TOPAZ1: variants seen among roughly 807,000 people sequenced by gnomAD.
TOPAZ1 encodes protein TOPAZ1.
Under a neutral mutation model 172.2 loss-of-function variants are expected in TOPAZ1, and 66 were observed. The ratio of observed to expected loss-of-function variants is 0.38; its 90% CI spans 0.31 to 0.47. TOPAZ1 has a LOEUF of 0.47. Among genes scored for constraint, TOPAZ1 ranks in the 20% least tolerant of loss-of-function variants. The pLI is 0.99. For missense variants in TOPAZ1, 1,822 were observed against 1,972.4 expected (o/e 0.92, Z 1.44); for synonymous variants, 681 against 683.9 (o/e 1.00, Z 0.07).
intron 2 of TOPAZ1, among the ~76,000 whole-genome samples, chr3:44,251,876 A>G (rs760705514): frequency 1.3e-5 from 2 of 151,770 alleles, no homozygotes; most frequent in South Asian, 2.1e-4. Flanking sequence ...TCCCTTTTCT[A>G]TTTCACCAAT....
chr3:44,308,348 A>G (rs373209029), intron 15 of TOPAZ1, among the ~76,000 whole-genome samples: 3 of 145,214 alleles, frequency 2.1e-5, no homozygotes, highest in South Asian at 2.1e-4. Context: ...TCATTGTTCA[A>G]TTCCCACCTA....
chr3:44,264,120 T>G (rs1699803773), intron 5 of TOPAZ1, among the ~76,000 whole-genome samples: 1 of 152,222 alleles, frequency 6.6e-6, no homozygotes. Flanking sequence ...TCAGACCTTT[T>G]GTTTAGCATA....
Position 44,328,385 on chromosome 3 carries a change from T to C in TOPAZ1, c.4811T>C (p.Ile1604Thr). 1 of 1,522,552 alleles carries C rather than the reference T, an allele frequency of 6.6e-7. No homozygotes were observed. The highest frequency in any genetic ancestry group is 8.8e-7 in the Non-Finnish European group (1 of 1,137,454). The allele number at this position is 1,522,552 out of a possible 1,614,324, so 94.3% of individuals were successfully genotyped here. A position where few individuals can be genotyped will look rare whatever the true frequency, so the allele number is the denominator to read the frequency against. The change falls in exon 19 of 20, where the codon ATT becomes ACT. Residue 1604 changes from isoleucine to threonine, a missense_variant. Ile to Thr is a moderately conservative substitution (Grantham distance 89, BLOSUM62 -1). Transcript: ENST00000309765. ...EIFMVSNASSIQSPGTSTQIL... is the reference protein window; with the variant it reads ...EIFMVSNASSTQSPGTSTQIL... The stretch of plus-strand genomic sequence containing the variant: ...TTCATGGTATCTAATGCTAGTAGTA[T>C]TCAGAGTCCTGGAACTTCTACACAG...
rs1476482875 is a variant in TOPAZ1 at position 44,243,871 on chromosome 3, A to G, written c.1365A>G (p.Lys455=). ...AATCGATGAAAAGCTTCATAGGGAAATCACCTAATGAGTACCATATTGAAA... is the reference window on the plus strand; with the variant it reads ...AATCGATGAAAAGCTTCATAGGGAAGTCACCTAATGAGTACCATATTGAAA... ...DFKSMKSFIG[K]SPNEYHIERR... is the part of the protein sequence containing the mutation. The change falls in exon 2 of 20, where the codon AAA becomes AAG. Residue 455 remains lysine (K), a synonymous_variant. Coordinates refer to ENST00000309765, the MANE Select transcript of TOPAZ1 (RefSeq NM_001145030.2). The G allele has an allele frequency of 1.2e-5, 18 of 1,551,948 alleles. No individual in the cohort carries two copies. The highest frequency in any genetic ancestry group is 9.8e-5 in the East Asian group (4 of 40,912).
At position 44,244,458 on chromosome 3, in the gene TOPAZ1, C is replaced by G; in HGVS notation, c.1952C>G (p.Ala651Gly). 6.4e-7 allele frequency: 1 copy of G among 1,551,622 alleles called. No homozygotes were observed. The highest frequency in any genetic ancestry group is 8.7e-7 in the Non-Finnish European group (1 of 1,146,962). The change falls in exon 2 of 20, where the codon GCA (alanine) becomes GGA (glycine). Residue 651 changes from alanine (A) to glycine (G), a missense_variant. Physicochemically the swap from Ala to Gly is moderately conservative, Grantham distance 60 (BLOSUM62 0). Coordinates refer to ENST00000309765, the MANE Select transcript of TOPAZ1 (RefSeq NM_001145030.2). Reference sequence around the variant, plus strand: ...GCGACTTCCAAAGATGGTCAGGAAGCAAATAACTCTGCAGGCAAAACTATT... The same window carrying G: ...GCGACTTCCAAAGATGGTCAGGAAGGAAATAACTCTGCAGGCAAAACTATT... Reference protein sequence around the residue: ...LTATSKDGQEANNSAGKTIHR... With the variant: ...LTATSKDGQEGNNSAGKTIHR...
At chr3:44,324,618 C>A (rs1316284339) in intron 18 of TOPAZ1, among the ~76,000 whole-genome samples, 1 of 152,008 alleles carries the variant, frequency 6.6e-6, no homozygotes, top group East Asian at 1.9e-4. Flanking sequence ...AGCATCTAGA[C>A]TTAATCATTT....
At chr3:44,279,585 TA>T (rs1700000073) in intron 8 of TOPAZ1, among the ~76,000 whole-genome samples, 1 of 152,160 alleles carries the variant, frequency 6.6e-6, no homozygotes, top group African/African-American at 2.4e-5. Context: ...TCTTTTTTGT[TA>T]TTTTTTTACT....
chr3:44,290,755 C>A lies in TOPAZ1; in HGVS notation c.3682-16C>A, dbSNP rs1385547269. On this transcript the variant is annotated splice_polypyrimidine_tract_variant and intron_variant, in intron 11 of 19. Coordinates refer to ENST00000309765, the MANE Select transcript of TOPAZ1 (RefSeq NM_001145030.2). ...ATTTTTGTAAGAATAACCACTCTTT[C>A]TTTTCTCTTCTACAGCTTGTTGAAG... The A allele has an allele frequency of 6.7e-6, 10 of 1,503,454 alleles. No individual in the cohort carries two copies. The highest frequency in any genetic ancestry group is 9.0e-6 in the Non-Finnish European group (10 of 1,112,014). 93.1% of individuals were successfully genotyped at this position (1,503,454 alleles called of 1,614,324 possible).
At position 44,244,145 on chromosome 3, in the gene TOPAZ1, T is replaced by C. The variant is rs1207560685; in HGVS notation, c.1639T>C (p.Leu547=). 5.8e-6 allele frequency: 9 copies of C among 1,551,442 alleles called. No individual in the cohort carries two copies. The South Asian group carries it at 9.5e-5, about 16-fold the overall frequency. ...GACCCATTTAACTGACTCCAAATTA[T>C]TATTACAAAGTTCCTTAACAGAAAC... The part of the protein sequence containing the change: ...NQTHLTDSKL[L]LQSSLTETNT... The change falls in exon 2 of 20, where the codon TTA becomes CTA. Residue 547 remains leucine (L), a synonymous_variant. Transcript: ENST00000309765.
At chr3:44,304,998 G>T (rs756080356) in intron 13 of TOPAZ1, 149 bp from the exon 14 acceptor site, 46 of 562,828 alleles carry the variant, frequency 8.2e-5, no homozygotes, top group Non-Finnish European at 1.3e-4. Flanking sequence ...TGTGATACTT[G>T]TTGGTAAGCT....
At chr3:44,311,037 G>A (rs1214864259) in intron 16 of TOPAZ1, among the ~76,000 whole-genome samples, 1 of 152,044 alleles carries the variant, frequency 6.6e-6, no homozygotes, top group East Asian at 1.9e-4. Flanking sequence ...AAAACCTCAA[G>A]GATCTCAGGA....
rs1699886790 is a variant in TOPAZ1, at chr3:44,270,770, T to C, written c.3332T>C (p.Leu1111Pro). Residue 1111 changes from leucine (L) to proline (P), a missense_variant, in exon 8 of 20, where the codon CTG becomes CCG. This residue lies in a region of TOPAZ1 where 1,489 missense variants were observed against 1,490.8 expected (regional missense o/e 1.00). Coordinates refer to ENST00000309765, the MANE Select transcript of TOPAZ1 (RefSeq NM_001145030.2). ...FNTLRGCERP[L>P]CKFAHVPEQG... is the part of the protein sequence containing the mutation. ...ACATTACGTGGCTGTGAGCGACCAC[T>C]GTGCAAGTTTGCTCATGTGCCTGAA... The C allele has an allele frequency of 6.4e-7, 1 of 1,550,814 alleles. No homozygotes were observed. Among genetic ancestry groups the C allele is most frequent in the South Asian group, 1.2e-5 (1 of 83,774 alleles).
intron 12 of TOPAZ1, among the ~76,000 whole-genome samples, chr3:44,302,667 A>T (rs902287939): frequency 1.4e-4 from 22 of 152,160 alleles, no homozygotes; most frequent in Non-Finnish European, 5.9e-5. Context: ...TCTTGGATGT[A>T]CGCTTCTCCA....
At chr3:44,322,731 G>A (rs1700555348) in intron 17 of TOPAZ1, among the ~76,000 whole-genome samples, 1 of 152,032 alleles carries the variant, frequency 6.6e-6, no homozygotes, top group Admixed American at 6.5e-5. Context: ...AAACTAGTCT[G>A]GGCAACATGG....
intron 8 of TOPAZ1, 32 bp downstream of exon 8, chr3:44,270,842 T>G (rs1169945638): frequency 6.6e-7 from 1 of 1,517,334 alleles, no homozygotes; most frequent in East Asian, 2.5e-5. Context: ...AAGTAGAGAT[T>G]GTTTTAATAA....
intron 12 of TOPAZ1, among the ~76,000 whole-genome samples, chr3:44,299,957 T>TGGGGGGGGGGGGG (rs59025711): frequency 2.1e-5 from 2 of 94,212 alleles, no homozygotes; most frequent in African/African-American, 4.5e-5. Flanking sequence ...TGTTGTGGGG[T>TGGGGGGGGGGGGG]GGGGGGAGGG....
intron 6 of TOPAZ1, 117 bp from the exon 7 acceptor site, chr3:44,269,099 A>C: frequency 1.4e-6 from 1 of 693,330 alleles, no homozygotes; most frequent in Non-Finnish European, 2.6e-6. Context: ...TGTGAACTGA[A>C]TATGAATATT....
At chr3:44,319,908 CT>C (rs1700490669) in intron 16 of TOPAZ1, among the ~76,000 whole-genome samples, 1 of 152,158 alleles carries the variant, frequency 6.6e-6, no homozygotes, top group African/African-American at 2.4e-5. Context: ...AAAAGGATTA[CT>C]TCTACATTTA....
In TOPAZ1 at chr3:44,246,664, G is replaced by A. The variant is rs115141641; in HGVS notation, c.2765+1393G>A. Among the ~76,000 whole-genome samples, 1,357 of 152,232 alleles carry A rather than the reference G, an allele frequency of 8.9e-3. 20 individuals carry two copies. The highest frequency in any genetic ancestry group is 0.032 in the African/African-American group (1,310 of 41,528). The stretch of plus-strand genomic sequence containing the variant: ...GATCACACTCCTAGTAACAGAATCT[G>A]GATTTGAACCTAGCCCTGTCTTACT... On this transcript the variant is annotated intron_variant, in intron 2 of 19. Coordinates refer to ENST00000309765, the MANE Select transcript of TOPAZ1 (RefSeq NM_001145030.2).
Sources: gnomAD v4.1 joint callset for allele counts (sites outside exome capture counted in the v4.1 genomes callset) on GRCh38, gnomAD v4.1.1 for gene constraint, gnomAD v4.1.1 regional missense constraint, MANE v1.5 for transcripts, NCBI Gene and HGNC (gene_info 2026-07-23, HGNC 2026-07-21) for gene names.